Variants in CNTN5 observed in about 807,000 individuals in gnomAD.
CNTN5 encodes contactin-5.
Under a neutral mutation model 129.1 loss-of-function variants are expected in CNTN5, and 77 were observed. The observed-to-expected ratio is 0.60, with a 90% CI of 0.50 to 0.72. The LOEUF (loss-of-function observed/expected upper bound fraction) is 0.72, where lower values mean the gene tolerates loss of function less well. Ranked by LOEUF, CNTN5 falls within the 30% of genes least tolerant of loss-of-function variation. The pLI, the probability that CNTN5 is intolerant of heterozygous loss-of-function variation, is 0.00. For synonymous variants in CNTN5, 509 were observed against 465.6 expected, an observed-to-expected ratio of 1.09 and a Z score of -1.20; for missense variants, 1,478 against 1,328.8, an observed-to-expected ratio of 1.11 and a Z score of -1.75.
chr11:99,179,562 A>T (rs1411862662), intron 1 of CNTN5, among the ~76,000 whole-genome samples: 1 of 152,214 alleles, frequency 6.6e-6, no homozygotes, highest in Non-Finnish European at 1.5e-5. Context: ...ATGTAATTTT[A>T]TGGTTACATT....
chr11:99,285,729 GAA>G (rs1863909177), intron 1 of CNTN5, among the ~76,000 whole-genome samples: 1 of 152,032 alleles, frequency 6.6e-6, no homozygotes, highest in African/African-American at 2.4e-5. Context: ...TCATAGTAAT[GAA>G]AAATGCATAT....
At chr11:99,534,333 CT>C (rs1164719867) in intron 2 of CNTN5, among the ~76,000 whole-genome samples, 1 of 152,120 alleles carries the variant, frequency 6.6e-6, no homozygotes, top group Admixed American at 6.5e-5. Flanking sequence ...AAATGATCTG[CT>C]TATTGATAGT....
chr11:99,458,334 G>A (rs2135222442), intron 2 of CNTN5, among the ~76,000 whole-genome samples: 1 of 151,992 alleles, frequency 6.6e-6, no homozygotes, highest in African/African-American at 2.4e-5. Flanking sequence ...AGTGTTACAT[G>A]TTAAAATTTG....
chr11:99,041,670 C>A (rs1863987859), intron 1 of CNTN5, among the ~76,000 whole-genome samples: 1 of 152,102 alleles, frequency 6.6e-6, no homozygotes. Context: ...TAATAAGTAG[C>A]ATAATAGCAA....
At chr11:100,091,475 C>CT (rs1944783837) in intron 13 of CNTN5, among the ~76,000 whole-genome samples, 1 of 139,824 alleles carries the variant, frequency 7.2e-6, no homozygotes, top group South Asian at 2.2e-4. Flanking sequence ...TTTGCCCAGG[C>CT]TAGAGCGTAC....
intron 13 of CNTN5, among the ~76,000 whole-genome samples, chr11:100,158,242 T>A (rs1169467963): frequency 1.3e-5 from 2 of 151,834 alleles, no homozygotes; most frequent in African/African-American, 4.8e-5. Context: ...GGATCAGGGT[T>A]ACTGGAAATG....
intron 3 of CNTN5, among the ~76,000 whole-genome samples, chr11:99,680,096 C>G (rs1489792427): frequency 6.6e-6 from 1 of 152,076 alleles, no homozygotes; most frequent in Non-Finnish European, 1.5e-5. Context: ...AAGAAAAAAG[C>G]CATCTTCAAA....
At chr11:100,337,454 T>C in intron 21 of CNTN5, 1 of 749,188 alleles carries the variant, frequency 1.3e-6, no homozygotes, top group Admixed American at 1.7e-5. Context: ...AGGTGTTGAA[T>C]GTGATTAAGT....
chr11:99,290,985 A>G (rs1864149184), intron 1 of CNTN5, among the ~76,000 whole-genome samples: 1 of 152,008 alleles, frequency 6.6e-6, no homozygotes, highest in Non-Finnish European at 1.5e-5. Context: ...GAATACATTA[A>G]TAGGCCCCTG....
intron 2 of CNTN5, among the ~76,000 whole-genome samples, chr11:99,357,290 T>C (rs747134889): frequency 6.6e-6 from 1 of 152,192 alleles, no homozygotes; most frequent in African/African-American, 2.4e-5. Flanking sequence ...GTATTCAATA[T>C]AGCCACCAGC....
chr11:99,734,199 G>A (rs1007596038), intron 3 of CNTN5, among the ~76,000 whole-genome samples: 1 of 152,182 alleles, frequency 6.6e-6, no homozygotes, highest in Non-Finnish European at 1.5e-5. Context: ...AGTCAATGGA[G>A]TATCCATCAC....
intron 2 of CNTN5, among the ~76,000 whole-genome samples, chr11:99,477,773 G>A (rs1443349840): frequency 7.5e-5 from 11 of 146,274 alleles, no homozygotes; most frequent in Middle Eastern, 3.4e-3. Flanking sequence ...AATATAGTGA[G>A]ACCCCATCTC....
At chr11:99,959,026 G>A (rs183362659) in intron 8 of CNTN5, among the ~76,000 whole-genome samples, 2 of 152,120 alleles carry the variant, frequency 1.3e-5, no homozygotes, top group East Asian at 3.9e-4. Flanking sequence ...TTATCTTTAC[G>A]TTCTACCTTC....
intron 9 of CNTN5, among the ~76,000 whole-genome samples, chr11:100,005,335 A>G (rs935421368): frequency 6.6e-6 from 1 of 152,104 alleles, no homozygotes; most frequent in Non-Finnish European, 1.5e-5. Context: ...TCTTATTTAT[A>G]TCCAAAATTA....
chr11:99,952,138 A>C (rs4268471), intron 7 of CNTN5, among the ~76,000 whole-genome samples: 27,387 of 152,166 alleles, frequency 0.18, 2,497 homozygotes, highest in Middle Eastern at 0.23. Context: ...GTTGTCCCTC[A>C]TGCTCAGTAG....
intron 1 of CNTN5, among the ~76,000 whole-genome samples, chr11:99,277,221 A>G (rs137903595): frequency 2.3e-4 from 35 of 151,814 alleles, no homozygotes; most frequent in Non-Finnish European, 4.4e-4. Context: ...TAAGCCAGAC[A>G]TTCTTCCATA....
At chr11:100,187,557 C>T (rs1031407918) in intron 13 of CNTN5, among the ~76,000 whole-genome samples, 2 of 152,034 alleles carry the variant, frequency 1.3e-5, no homozygotes, top group African/African-American at 4.8e-5. Flanking sequence ...TATAAGGTTA[C>T]AGTAAACTAA....
intron 3 of CNTN5, among the ~76,000 whole-genome samples, chr11:99,756,383 G>A (rs1182995065): frequency 6.6e-6 from 1 of 151,992 alleles, no homozygotes; most frequent in Non-Finnish European, 1.5e-5. Context: ...TGTATTATTT[G>A]CATAGATTAG....
At chr11:100,284,731 C>A (rs1200530258) in intron 18 of CNTN5, among the ~76,000 whole-genome samples, 2 of 152,112 alleles carry the variant, frequency 1.3e-5, no homozygotes, top group African/African-American at 4.8e-5. Context: ...AAGGTCTGAT[C>A]TTCTCTGTAG....
Sources: allele counts gnomAD v4.1 joint callset (sites outside exome capture counted in the v4.1 genomes callset), GRCh38; gene constraint gnomAD v4.1.1; transcripts MANE v1.5; gene names NCBI Gene and HGNC (gene_info 2026-07-23, HGNC 2026-07-21).